CASZ1: variants seen among roughly 807,000 people sequenced by gnomAD.
CASZ1 encodes the protein castor zinc finger 1, also known as zinc finger protein castor homolog 1.
CASZ1 carries 28 observed loss-of-function variants against 135.2 expected under a neutral mutation model. The observed-to-expected ratio is 0.21, with a 90% confidence interval of 0.15 to 0.28. CASZ1 has a LOEUF of 0.28. Ranked by LOEUF, CASZ1 falls within the 10% of genes least tolerant of loss-of-function variation. CASZ1 has a pLI of 1.00. For missense variants in CASZ1, 2,161 were observed against 2,453.3 expected (o/e 0.88, Z 2.52); for synonymous variants, 1,068 against 1,073.4 (o/e 0.99, Z 0.10).
chr1:10,740,332 C>G (rs1464056026), intron 2 of CASZ1, among the ~76,000 whole-genome samples: 1 of 152,246 alleles, frequency 6.6e-6, no homozygotes, highest in Non-Finnish European at 1.5e-5. Flanking sequence ...GAAGCCAGCA[C>G]AGCCCCTCCC....
chr1:10,678,193 C>T (rs1482278497), intron 4 of CASZ1, among the ~76,000 whole-genome samples: 5 of 152,202 alleles, frequency 3.3e-5, no homozygotes, highest in East Asian at 1.9e-4. Flanking sequence ...GCACACCACC[C>T]GCCCTCCCTG....
chr1:10,796,401 G>GGCTC (rs1182441115), intron 1 of CASZ1, among the ~76,000 whole-genome samples, 163 bp downstream of exon 1: 8 of 152,028 alleles, frequency 5.3e-5, no homozygotes, highest in Non-Finnish European at 8.8e-5. Flanking sequence ...CTGGCTGGCT[G>GGCTC]GCTCGCTCGC....
rs1639205476 is a variant in CASZ1, at chr1:10,707,694, G to A, written c.-76-2150C>T. ...CCCTGGGATACTGGGACCCCAGTGG[G>A]GGCCTAAGAAGTAGCTGAGAGTTCA... On this transcript the variant is annotated intron_variant, in intron 2 of 20. Transcript: ENST00000377022. The surrounding 1 kb of genome is among the most constrained non-coding windows in gnomAD (Gnocchi z 5.0). Among the ~76,000 whole-genome samples, 1 of 152,136 alleles carries A rather than the reference G, an allele frequency of 6.6e-6. No individual in the cohort carries two copies. Among genetic ancestry groups the A allele is most frequent in the Non-Finnish European group, 1.5e-5 (1 of 68,016 alleles).
intron 1 of CASZ1, among the ~76,000 whole-genome samples, chr1:10,795,447 C>G (rs1641045744): frequency 1.3e-5 from 2 of 152,188 alleles, no homozygotes; most frequent in South Asian, 4.1e-4. Flanking sequence ...TCAGCCCACC[C>G]TGGGGGAACA....
In CASZ1 at chr1:10,741,131, A is replaced by G. The variant is rs1436922485; in HGVS notation, c.-77+19570T>C. ...CCTCAGCCTCCCAAGCTGGGATTAG[A>G]GGCATGTACCTCCAATAATTTTTGT... On this transcript the variant is annotated intron_variant, in intron 2 of 20. Transcript: ENST00000377022. This position sits in a 1 kb window ranked among gnomAD's most constrained non-coding sequence, Gnocchi z 5.0. Among the ~76,000 whole-genome samples, 1 of 151,998 alleles carries G rather than the reference A, an allele frequency of 6.6e-6. No individual in the cohort carries two copies. The highest frequency in any genetic ancestry group is 1.5e-5 in the Non-Finnish European group (1 of 68,028).
At chr1:10,673,051 T>G (rs1454063200) in intron 4 of CASZ1, among the ~76,000 whole-genome samples, 14 of 139,214 alleles carry the variant, frequency 1.0e-4, no homozygotes, top group African/African-American at 1.4e-4. Flanking sequence ...CAGTGGCGAG[T>G]GGAGAAAAGA....
intron 4 of CASZ1, among the ~76,000 whole-genome samples, chr1:10,667,655 G>A (rs1440381355): frequency 6.6e-6 from 1 of 152,208 alleles, no homozygotes; most frequent in Non-Finnish European, 1.5e-5. Flanking sequence ...AGGGAAGGGG[G>A]GAGTGGGGGA....
At chr1:10,712,072 G>C (rs987341853) in intron 2 of CASZ1, among the ~76,000 whole-genome samples, 1 of 152,106 alleles carries the variant, frequency 6.6e-6, no homozygotes, top group Non-Finnish European at 1.5e-5. Flanking sequence ...CAGGCCGGGC[G>C]TGGTGGTTCA....
rs79317557 is a variant in CASZ1 at position 10,727,396 on chromosome 1, GA to G, written c.-76-21853del. On this transcript the variant is annotated intron_variant, in intron 2 of 20. Coordinates refer to ENST00000377022, the MANE Select transcript of CASZ1 (RefSeq NM_001079843.3). The surrounding 1 kb of genome is among the most constrained non-coding windows in gnomAD (Gnocchi z 5.3). ...CACAAGGCCTTTTAAGTCCAGAAAA[GA>G]AAAAAAAAAACAACCCAGCCTCCCA... is the stretch of plus-strand genomic sequence containing the variant. Among the ~76,000 whole-genome samples, 854 of 142,502 alleles carry G rather than the reference GA, an allele frequency of 6.0e-3. 6 individuals are homozygous for G. Among genetic ancestry groups the G allele is most frequent in the African/African-American group, 0.018 (692 of 38,952 alleles). The allele number at this position is 142,502 out of a possible 152,430, so 93.5% of individuals were successfully genotyped here.
At chr1:10,790,710 A>G (rs1640941149) in intron 1 of CASZ1, among the ~76,000 whole-genome samples, 1 of 152,226 alleles carries the variant, frequency 6.6e-6, no homozygotes, top group Non-Finnish European at 1.5e-5. Context: ...ATTGTGTGTG[A>G]GTACAACATA....
chr1:10,645,950 G>A (rs1241306283), intron 17 of CASZ1, among the ~76,000 whole-genome samples, 178 bp downstream of exon 17: 1 of 152,160 alleles, frequency 6.6e-6, no homozygotes, highest in Non-Finnish European at 1.5e-5. Context: ...CCCCTGCCCA[G>A]GGGTCTCCAG....
chr1:10,646,503 C>A lies in CASZ1; in HGVS notation c.3498-177G>T, dbSNP rs954426658. Among the ~76,000 whole-genome samples, 2 of 152,228 alleles carry A rather than the reference C, an allele frequency of 1.3e-5. No homozygotes were observed. The highest frequency in any genetic ancestry group is 2.9e-5 in the Non-Finnish European group (2 of 68,032). On this transcript the variant is annotated intron_variant, in intron 16 of 20. Transcript: ENST00000377022. The surrounding 1 kb of genome is among the most constrained non-coding windows in gnomAD (Gnocchi z 6.4). ...CTCAGCTGGAGACTACAGATCCCAG[C>A]ATGCATTCCTGCCTCCTTTTAGGAG...
At chr1:10,790,523 G>A (rs979211519) in intron 1 of CASZ1, among the ~76,000 whole-genome samples, 3 of 152,120 alleles carry the variant, frequency 2.0e-5, no homozygotes, top group African/African-American at 7.2e-5. Flanking sequence ...TTACAACTCC[G>A]CTGGAGTCTC....
At chr1:10,680,176 A>T (rs1638364780) in intron 4 of CASZ1, among the ~76,000 whole-genome samples, 1 of 151,912 alleles carries the variant, frequency 6.6e-6, no homozygotes, top group Non-Finnish European at 1.5e-5. Flanking sequence ...AGGCTGAGTA[A>T]GCAGGGAAGG....
intron 13 of CASZ1, chr1:10,650,409 G>A (rs1216670620): frequency 7.1e-6 from 2 of 283,510 alleles, no homozygotes; most frequent in Admixed American, 5.1e-5. Flanking sequence ...AACGAGGCAC[G>A]AACGAAGTTG....
In CASZ1 at chr1:10,794,990, C is replaced by T. The variant is rs1375862781; in HGVS notation, c.-234+1574G>A. On this transcript the variant is annotated intron_variant, in intron 1 of 20. Coordinates refer to ENST00000377022, the MANE Select transcript of CASZ1 (RefSeq NM_001079843.3). This position sits in a 1 kb window ranked among gnomAD's most constrained non-coding sequence, Gnocchi z 5.6. ...CCCTCCCCTTCCAGACCCGGCTGCC[C>T]GGCCCGCCAGCTCCCGGCAGTGCTG... 1.3e-5 allele frequency among the ~76,000 whole-genome samples: 2 copies of T among 151,888 alleles called. No homozygotes were observed. The highest frequency in any genetic ancestry group is 6.6e-5 in the Admixed American group (1 of 15,262).
At chr1:10,748,909 C>T (rs1023918393) in intron 2 of CASZ1, among the ~76,000 whole-genome samples, 2 of 152,228 alleles carry the variant, frequency 1.3e-5, no homozygotes, top group South Asian at 4.1e-4. Context: ...GCAGCCCTAA[C>T]ATCGCCACGT....
chr1:10,716,568 G>A (rs1639397541), intron 2 of CASZ1, among the ~76,000 whole-genome samples: 1 of 152,236 alleles, frequency 6.6e-6, no homozygotes, highest in Non-Finnish European at 1.5e-5. Flanking sequence ...CCAAGGGAAG[G>A]GGCTCCCCAA....
chr1:10,663,221 CAG>C (rs1209228845), intron 5 of CASZ1, among the ~76,000 whole-genome samples: 1 of 152,176 alleles, frequency 6.6e-6, no homozygotes, highest in African/African-American at 2.4e-5. Context: ...CTGGGATCCT[CAG>C]AGACACCTGG....
Sources: allele counts gnomAD v4.1 joint callset (sites outside exome capture counted in the v4.1 genomes callset), GRCh38; gene constraint gnomAD v4.1.1; non-coding constraint Gnocchi (gnomAD v3.1); transcripts MANE v1.5; gene names NCBI Gene and HGNC (gene_info 2026-07-23, HGNC 2026-07-21).